The following PCDH9 variants were observed in gnomAD, a reference collection of about 807,000 sequenced individuals.
PCDH9 encodes the protein protocadherin-9.
Under a neutral mutation model 70.6 loss-of-function variants are expected in PCDH9, and 24 were observed. That is an observed-to-expected ratio of 0.34 (90% CI 0.25 to 0.48). PCDH9 has a LOEUF of 0.48. PCDH9 is among the 20% of genes least tolerant of loss of function. The pLI is 0.99. For missense variants in PCDH9, 1,281 were observed against 1,503.6 expected, an observed-to-expected ratio of 0.85 and a Z score of 2.45; for synonymous variants, 562 against 558.5, an observed-to-expected ratio of 1.01 and a Z score of -0.09.
In PCDH9 at chr13:66,334,866, A is replaced by G. The variant is rs1593815993; in HGVS notation, c.3341-29838T>C. ...CTTTTATATTTGAACCTGTAATTGT[A>G]TATTACAAGCTACCCCATATAATCA... On this transcript the variant is annotated intron_variant, in intron 4 of 4. Transcript: ENST00000377865. Among the ~76,000 whole-genome samples, 7 of 152,258 alleles carry G rather than the reference A, an allele frequency of 4.6e-5. No individual in the cohort carries two copies. The South Asian group carries it at 1.0e-3, about 23-fold the overall frequency.
At chr13:66,869,856 A>C (rs2081642800) in intron 3 of PCDH9, among the ~76,000 whole-genome samples, 1 of 152,118 alleles carries the variant, frequency 6.6e-6, no homozygotes, top group African/African-American at 2.4e-5. Flanking sequence ...TTAGAGAATC[A>C]AAAATATTTT....
intron 2 of PCDH9, among the ~76,000 whole-genome samples, chr13:66,981,861 G>C (rs1205751748): frequency 6.6e-6 from 1 of 151,932 alleles, no homozygotes; most frequent in East Asian, 1.9e-4. Context: ...TATCACACAG[G>C]TAAAATTTAT....
intron 2 of PCDH9, among the ~76,000 whole-genome samples, chr13:66,919,783 C>T (rs1161887494): frequency 1.3e-5 from 2 of 150,434 alleles, no homozygotes; most frequent in African/African-American, 2.4e-5. Flanking sequence ...GGAAGGTGGA[C>T]AAGAAACTCA....
chr13:66,833,514 G>A (rs1005496611), intron 3 of PCDH9, among the ~76,000 whole-genome samples: 2 of 152,240 alleles, frequency 1.3e-5, no homozygotes, highest in East Asian at 3.9e-4. Context: ...TATACTGACA[G>A]TGTAGCTGTC....
intron 2 of PCDH9, among the ~76,000 whole-genome samples, chr13:67,144,016 C>T (rs2087461048): frequency 6.6e-6 from 1 of 152,096 alleles, no homozygotes; most frequent in South Asian, 2.1e-4. Context: ...TCCAATATCT[C>T]CCTAAAGGGC....
chr13:66,588,920 A>G (rs58343148), intron 4 of PCDH9, among the ~76,000 whole-genome samples: 3,538 of 152,092 alleles, frequency 0.023, 155 homozygotes, highest in African/African-American at 0.081. Flanking sequence ...TTACAAAAAA[A>G]GAACAGAAAA....
intron 3 of PCDH9, among the ~76,000 whole-genome samples, chr13:66,675,920 T>G (rs1469755270): frequency 6.6e-6 from 1 of 152,132 alleles, no homozygotes; most frequent in Non-Finnish European, 1.5e-5. Flanking sequence ...CCATAATTAT[T>G]GTCTCTACTT....
chr13:66,561,096 G>A (rs535987116), intron 4 of PCDH9, among the ~76,000 whole-genome samples: 35 of 152,334 alleles, frequency 2.3e-4, no homozygotes, highest in East Asian at 1.2e-3. Context: ...CGGGCTGCGC[G>A]TGGTGCTTGT....
intron 2 of PCDH9, among the ~76,000 whole-genome samples, chr13:66,939,422 A>ATG (rs1356076178): frequency 3.3e-5 from 2 of 59,722 alleles, no homozygotes; most frequent in South Asian, 9.6e-4. Flanking sequence ...ACTTTAAAAT[A>ATG]TATGTGTGTG....
intron 3 of PCDH9, among the ~76,000 whole-genome samples, chr13:66,808,521 C>CA (rs71110603): frequency 0.36 from 54,066 of 151,802 alleles, 10,315 homozygotes; most frequent in Middle Eastern, 0.44. Flanking sequence ...CAAAACAAAA[C>CA]AAAAAAACAG....
intron 4 of PCDH9, among the ~76,000 whole-genome samples, chr13:66,616,355 T>G (rs2138885244): frequency 6.6e-6 from 1 of 151,966 alleles, no homozygotes; most frequent in African/African-American, 2.4e-5. Flanking sequence ...TCAGGCCAAG[T>G]ATAAGTCTAA....
chr13:66,958,061 T>C (rs1355056907), intron 2 of PCDH9, among the ~76,000 whole-genome samples: 3 of 152,092 alleles, frequency 2.0e-5, no homozygotes, highest in Non-Finnish European at 2.9e-5. Context: ...ATGATTGACA[T>C]GTAGAAGAGG....
At chr13:66,849,513 T>G (rs71449284) in intron 3 of PCDH9, among the ~76,000 whole-genome samples, 45,616 of 75,650 alleles carry the variant, frequency 0.6, 13,703 homozygotes, top group Non-Finnish European at 0.68. Flanking sequence ...TATATATATA[T>G]ATATAGAGAG....
Position 66,934,708 on chromosome 13 carries a change from C to CTTT in PCDH9, c.3037-31106_3037-31104dup, listed in dbSNP as rs1158291293. ...ATTGTATTCAATTTCCATGTGTTTGCTTTTTTTTTTTTTTTTTTTTTTTTT... is the reference window on the plus strand; with the variant it reads ...ATTGTATTCAATTTCCATGTGTTTGCTTTTTTTTTTTTTTTTTTTTTTTTTTTT... On this transcript the variant is annotated intron_variant, in intron 2 of 4. Transcript: ENST00000377865. Among the ~76,000 whole-genome samples, 5 of 47,330 alleles carry CTTT rather than the reference C, an allele frequency of 1.1e-4. 1 individual carries two copies. Among genetic ancestry groups the CTTT allele is most frequent in the East Asian group, 6.0e-4 (1 of 1,656 alleles). The allele number at this position is 47,330 out of a possible 152,430, so 31.1% of individuals were successfully genotyped here. A position where few individuals can be genotyped will look rare whatever the true frequency, so the allele number is the denominator to read the frequency against.
At chr13:66,727,354 G>A (rs2079018849) in intron 3 of PCDH9, among the ~76,000 whole-genome samples, 1 of 152,224 alleles carries the variant, frequency 6.6e-6, no homozygotes, top group Middle Eastern at 3.4e-3. Context: ...AATATAAGAG[G>A]AGAGTTCATG....
chr13:66,338,653 G>A (rs367627776), intron 4 of PCDH9, among the ~76,000 whole-genome samples: 1 of 151,838 alleles, frequency 6.6e-6, no homozygotes, highest in African/African-American at 2.4e-5. Flanking sequence ...GAGGGGTGGG[G>A]GGTGGTTCTG....
chr13:66,582,445 C>A (rs1285393437), intron 4 of PCDH9, among the ~76,000 whole-genome samples: 4 of 152,040 alleles, frequency 2.6e-5, no homozygotes, highest in Non-Finnish European at 2.9e-5. Flanking sequence ...CCAGCCTGGA[C>A]AACATGGCAA....
intron 3 of PCDH9, among the ~76,000 whole-genome samples, chr13:66,829,367 A>G (rs1043657246): frequency 6.6e-6 from 1 of 152,142 alleles, no homozygotes; most frequent in Admixed American, 6.5e-5. Flanking sequence ...ATAAAATTAT[A>G]TTTATGACAA....
intron 3 of PCDH9, among the ~76,000 whole-genome samples, chr13:66,739,419 A>C (rs1163914266): frequency 2.0e-5 from 3 of 151,410 alleles, no homozygotes; most frequent in South Asian, 4.2e-4. Flanking sequence ...GAGACTAGGA[A>C]GAAACTGCAT....
Sources: allele counts gnomAD v4.1 joint callset (sites outside exome capture counted in the v4.1 genomes callset), GRCh38; gene constraint gnomAD v4.1.1; transcripts MANE v1.5; gene names NCBI Gene and HGNC (gene_info 2026-07-23, HGNC 2026-07-21).